The following PDE4B variants were observed in gnomAD, a reference collection of about 807,000 sequenced individuals.
PDE4B encodes the protein 3',5'-cyclic-AMP phosphodiesterase 4B.
A neutral mutation model predicts 82.2 loss-of-function variants in PDE4B; 20 were observed. The ratio of observed to expected loss-of-function variants is 0.24; its 90% CI spans 0.17 to 0.35. PDE4B has a LOEUF of 0.35. PDE4B is among the 10% of genes least tolerant of loss of function. PDE4B has a pLI of 1.00. For missense variants in PDE4B, 655 were observed against 907.2 expected (o/e 0.72, Z 3.57); for synonymous variants, 320 against 318.9 (o/e 1.00, Z -0.04).
At chr1:66,361,295 A>T (rs1269877041) in intron 9 of PDE4B, among the ~76,000 whole-genome samples, 1 of 152,152 alleles carries the variant, frequency 6.6e-6, no homozygotes, top group Admixed American at 6.6e-5. Flanking sequence ...TACACTCCTT[A>T]TATACCCCTA....
At chr1:66,340,053 A>G (rs1570727107) in intron 8 of PDE4B, among the ~76,000 whole-genome samples, 1 of 152,224 alleles carries the variant, frequency 6.6e-6, no homozygotes, top group Admixed American at 6.5e-5. Context: ...AGAAGATGCC[A>G]GGGCAAATTT....
chr1:66,212,467 C>A (rs1444031721), intron 3 of PDE4B, among the ~76,000 whole-genome samples: 4 of 152,188 alleles, frequency 2.6e-5, no homozygotes, highest in Admixed American at 6.5e-5. Flanking sequence ...TTGCTTGAAT[C>A]TCACATTCTC....
At chr1:65,984,636 T>A (rs1006421481) in intron 3 of PDE4B, among the ~76,000 whole-genome samples, 1 of 152,090 alleles carries the variant, frequency 6.6e-6, no homozygotes. Context: ...GCGCATGTAG[T>A]CCCAGCTATT....
chr1:66,014,708 C>A (rs764998261), intron 3 of PDE4B, among the ~76,000 whole-genome samples: 1 of 152,070 alleles, frequency 6.6e-6, no homozygotes. Flanking sequence ...TTTCTCCTGG[C>A]GAGAACATTT....
chr1:66,119,083 G>A lies in PDE4B; in HGVS notation c.282-128377G>A, dbSNP rs760318712. The stretch of plus-strand genomic sequence containing the variant: ...GCATTTACAAGGTTAAACATCAGAA[G>A]AGCCTTAGAGATCCAGAGGAATCTA... On this transcript the variant is annotated intron_variant, in intron 3 of 16. Coordinates refer to ENST00000341517, the MANE Select transcript of PDE4B (RefSeq NM_002600.4). 4.3e-4 allele frequency among the ~76,000 whole-genome samples: 66 copies of A among 152,144 alleles called. 1 individual carries two copies. The highest frequency in any genetic ancestry group is 1.8e-4 in the Non-Finnish European group (12 of 68,020).
At chr1:65,887,403 C>T (rs956604453) in intron 1 of PDE4B, among the ~76,000 whole-genome samples, 18 of 13,728 alleles carry the variant, frequency 1.3e-3, no homozygotes, top group South Asian at 1.9e-3. Context: ...CTTTCTTTTT[C>T]TTTTTCTTCT....
chr1:66,049,080 T>C (rs533372389), intron 3 of PDE4B, among the ~76,000 whole-genome samples: 2 of 152,166 alleles, frequency 1.3e-5, no homozygotes, highest in African/African-American at 4.8e-5. Context: ...CTTTTAAATA[T>C]TTATTAATTG....
chr1:66,067,201 C>A (rs1228512391), intron 3 of PDE4B, among the ~76,000 whole-genome samples: 1 of 151,984 alleles, frequency 6.6e-6, no homozygotes, highest in African/African-American at 2.4e-5. Context: ...TGGGTATATA[C>A]CCAGTAATGG....
intron 3 of PDE4B, among the ~76,000 whole-genome samples, chr1:65,924,010 T>C (rs2100494072): frequency 6.6e-6 from 1 of 151,336 alleles, no homozygotes; most frequent in East Asian, 1.9e-4. Flanking sequence ...ATTCCACATT[T>C]TTTTCTCATT....
chr1:65,970,648 A>G (rs1012988408), intron 3 of PDE4B, among the ~76,000 whole-genome samples: 1 of 152,178 alleles, frequency 6.6e-6, no homozygotes, highest in Admixed American at 6.6e-5. Flanking sequence ...TGGTAAAGGT[A>G]TCTACTGAGC....
chr1:65,855,703 T>C (rs1340555699), intron 1 of PDE4B, among the ~76,000 whole-genome samples: 1 of 152,188 alleles, frequency 6.6e-6, no homozygotes, highest in Non-Finnish European at 1.5e-5. Context: ...CTTTTTCCTA[T>C]AACTACCTCT....
intron 3 of PDE4B, among the ~76,000 whole-genome samples, chr1:66,219,753 A>T (rs900243929): frequency 1.3e-5 from 2 of 152,098 alleles, no homozygotes; most frequent in Admixed American, 1.3e-4. Context: ...TTGAGGAAGG[A>T]TTCTGCATGA....
At chr1:65,990,142 G>A (rs1651166992) in intron 3 of PDE4B, among the ~76,000 whole-genome samples, 1 of 151,960 alleles carries the variant, frequency 6.6e-6, no homozygotes, top group African/African-American at 2.4e-5. Context: ...TGGGAACTTG[G>A]CTGTCATAGT....
chr1:66,160,353 T>C (rs1192525647), intron 3 of PDE4B, among the ~76,000 whole-genome samples: 1 of 152,242 alleles, frequency 6.6e-6, no homozygotes, highest in Admixed American at 6.5e-5. Context: ...CATTTGCTTA[T>C]GTCTATTTAA....
intron 8 of PDE4B, chr1:66,354,864 TTTG>T (rs1662113934): frequency 2.0e-6 from 3 of 1,535,682 alleles, no homozygotes; most frequent in African/African-American, 2.7e-5. Context: ...AGGCAAATTA[TTTG>T]TTATCTGTAT....
intron 1 of PDE4B, among the ~76,000 whole-genome samples, chr1:65,815,052 TA>T (rs1645865797): frequency 1.5e-5 from 2 of 131,826 alleles, no homozygotes; most frequent in African/African-American, 2.7e-5. Flanking sequence ...TTTATTTATT[TA>T]TTTATTTATT....
intron 3 of PDE4B, among the ~76,000 whole-genome samples, chr1:66,157,943 C>A (rs1358247713): frequency 6.6e-6 from 1 of 151,928 alleles, no homozygotes; most frequent in African/African-American, 2.4e-5. Flanking sequence ...ATTTTGAGAA[C>A]ATGATTTCAG....
At chr1:66,153,812 T>C (rs1422990211) in intron 3 of PDE4B, among the ~76,000 whole-genome samples, 1 of 152,132 alleles carries the variant, frequency 6.6e-6, no homozygotes, top group Non-Finnish European at 1.5e-5. Context: ...AGCAGGCTTG[T>C]AGTGGGCTGG....
chr1:66,194,504 A>G (rs1384619380), intron 3 of PDE4B, among the ~76,000 whole-genome samples: 1 of 152,184 alleles, frequency 6.6e-6, no homozygotes, highest in Admixed American at 6.6e-5. Flanking sequence ...TATAAAAATC[A>G]TGGACTAAAA....
Sources: allele counts gnomAD v4.1 joint callset (sites outside exome capture counted in the v4.1 genomes callset), GRCh38; gene constraint gnomAD v4.1.1; transcripts MANE v1.5; gene names NCBI Gene and HGNC (gene_info 2026-07-23, HGNC 2026-07-21).